TMEM132D: variants seen among roughly 807,000 people sequenced by gnomAD.
The protein encoded by TMEM132D is mature OL transmembrane protein.
TMEM132D carries 21 observed loss-of-function variants against 62.3 expected under a neutral mutation model. The ratio of observed to expected loss-of-function variants is 0.34; its 90% confidence interval spans 0.24 to 0.49. The LOEUF (loss-of-function observed/expected upper bound fraction) is 0.49, where lower values mean the gene tolerates loss of function less well. Among genes scored for constraint, TMEM132D ranks in the 20% least tolerant of loss-of-function variants. The probability of loss-of-function intolerance (pLI) is 0.99; values close to 1 mark genes in which losing one functional copy is unlikely to be tolerated. For missense variants in TMEM132D, 1,346 were observed against 1,402.8 expected, an observed-to-expected ratio of 0.96 and a Z score of 0.65; for synonymous variants, 621 against 575.6, an observed-to-expected ratio of 1.08 and a Z score of -1.13.
intron 3 of TMEM132D, among the ~76,000 whole-genome samples, chr12:129,428,162 A>G (rs1398644195): frequency 6.6e-6 from 1 of 152,226 alleles, no homozygotes; most frequent in East Asian, 1.9e-4. Flanking sequence ...CCTAGAAAAT[A>G]AGAAATCTGT....
In TMEM132D at chr12:129,867,134, C is replaced by T. The variant is rs1874084900; in HGVS notation, c.79+36127G>A. On this transcript the variant is annotated intron_variant, in intron 1 of 8. Coordinates refer to ENST00000422113, the MANE Select transcript of TMEM132D (RefSeq NM_133448.3). This position sits in a 1 kb window ranked among gnomAD's most constrained non-coding sequence, Gnocchi z 4.5. ...AATTAGCTGGGCACGGTGGTATGTG[C>T]CTGTAGTCCTAGCTACATGGGAGGC... Among the ~76,000 whole-genome samples the T allele has an allele frequency of 6.6e-6, 1 of 152,030 alleles. No individual in the cohort carries two copies. The highest frequency in any genetic ancestry group is 1.5e-5 in the Non-Finnish European group (1 of 68,012).
At chr12:129,221,175 T>G (rs1879336268) in intron 4 of TMEM132D, among the ~76,000 whole-genome samples, 1 of 152,192 alleles carries the variant, frequency 6.6e-6, no homozygotes, top group African/African-American at 2.4e-5. Flanking sequence ...CATGTTCAAT[T>G]GCCTATTCTT....
chr12:129,387,561 C>T (rs78305067), intron 3 of TMEM132D, among the ~76,000 whole-genome samples: 17,155 of 152,056 alleles, frequency 0.11, 1,311 homozygotes, highest in African/African-American at 0.22. Context: ...CTAACACCAA[C>T]GCCAACACTA....
At chr12:129,101,246 A>C (rs745721214) in intron 5 of TMEM132D, among the ~76,000 whole-genome samples, 1 of 152,204 alleles carries the variant, frequency 6.6e-6, no homozygotes, top group Non-Finnish European at 1.5e-5. Context: ...AGCCTCCAAC[A>C]AACAGCCCCG....
At chr12:129,563,364 C>A (rs1388905) in intron 2 of TMEM132D, among the ~76,000 whole-genome samples, 149 of 152,202 alleles carry the variant, frequency 9.8e-4, no homozygotes, top group Non-Finnish European at 1.6e-3. Flanking sequence ...ATCCTCAGTG[C>A]TCTTAGTTTT....
At chr12:129,458,529 T>C (rs907132255) in intron 3 of TMEM132D, among the ~76,000 whole-genome samples, 14 of 152,076 alleles carry the variant, frequency 9.2e-5, no homozygotes, top group African/African-American at 3.4e-4. Flanking sequence ...ATCAGATGTG[T>C]CTGGTCTGAT....
chr12:129,835,351 C>T (rs1322956119), intron 1 of TMEM132D, among the ~76,000 whole-genome samples: 2 of 152,072 alleles, frequency 1.3e-5, no homozygotes, highest in Non-Finnish European at 2.9e-5. Flanking sequence ...AGTGCAGTGG[C>T]GTGATCTTGG....
At chr12:129,115,414 G>A (rs1007409042) in intron 5 of TMEM132D, among the ~76,000 whole-genome samples, 26 of 152,130 alleles carry the variant, frequency 1.7e-4, no homozygotes, top group African/African-American at 5.1e-4. Context: ...GATGGAGGTC[G>A]GGTCTAGGGG....
At chr12:129,105,658 A>G (rs145182981) in intron 5 of TMEM132D, among the ~76,000 whole-genome samples, 3,516 of 151,062 alleles carry the variant, frequency 0.023, 353 homozygotes, top group African/African-American at 0.081. Flanking sequence ...CAAAAAACAC[A>G]TGAAAAAATT....
At chr12:129,762,873 G>A (rs781126236) in intron 1 of TMEM132D, among the ~76,000 whole-genome samples, 3 of 152,164 alleles carry the variant, frequency 2.0e-5, no homozygotes, top group Non-Finnish European at 4.4e-5. Flanking sequence ...TAGGGTGGGT[G>A]GAAAGCAGCT....
intron 1 of TMEM132D, among the ~76,000 whole-genome samples, chr12:129,885,940 C>T: frequency 6.6e-6 from 1 of 152,116 alleles, no homozygotes; most frequent in East Asian, 1.9e-4. Context: ...GAATTTTAAC[C>T]TAATGTAATA....
At chr12:129,571,930 T>G (rs1877524905) in intron 2 of TMEM132D, among the ~76,000 whole-genome samples, 1 of 152,142 alleles carries the variant, frequency 6.6e-6, no homozygotes, top group Non-Finnish European at 1.5e-5. Flanking sequence ...GGTAAATGCT[T>G]GCTAGTGGGA....
Position 129,525,226 on chromosome 12 carries a change from GTTTTTTTTTT to G in TMEM132D, c.1115+5823_1115+5832del, listed in dbSNP as rs765569025. Among the ~76,000 whole-genome samples the G allele has an allele frequency of 4.3e-3, 288 of 67,396 alleles. 4 individuals are homozygous for G. Among genetic ancestry groups the G allele is most frequent in the African/African-American group, 0.013 (256 of 19,666 alleles). 44.2% of individuals were successfully genotyped at this position (67,396 alleles called of 152,430 possible). On this transcript the variant is annotated intron_variant, in intron 3 of 8. Transcript: ENST00000422113. ...GGGTATGAGCCACGGTGCCCAGCCG[GTTTTTTTTTT>G]TTTTTTTTTTTTTTTTTTTGCTAAT...
At chr12:129,149,279 C>T (rs567557020) in intron 5 of TMEM132D, among the ~76,000 whole-genome samples, 33 of 152,080 alleles carry the variant, frequency 2.2e-4, no homozygotes, top group Admixed American at 5.2e-4. Context: ...GTAATGCATT[C>T]GGGGCTTAAA....
At chr12:129,835,127 A>T (rs1245717352) in intron 1 of TMEM132D, among the ~76,000 whole-genome samples, 1 of 152,160 alleles carries the variant, frequency 6.6e-6, no homozygotes, top group Non-Finnish European at 1.5e-5. Context: ...AGGCATTAGG[A>T]TCGGCACCCA....
At chr12:129,118,095 A>C (rs1331490135) in intron 5 of TMEM132D, among the ~76,000 whole-genome samples, 1 of 152,176 alleles carries the variant, frequency 6.6e-6, no homozygotes, top group African/African-American at 2.4e-5. Context: ...TCTTCTTTTA[A>C]AACATAATGG....
intron 3 of TMEM132D, among the ~76,000 whole-genome samples, chr12:129,408,092 C>G (rs553076590): frequency 1.3e-3 from 203 of 152,186 alleles, no homozygotes; most frequent in Admixed American, 1.8e-3. Context: ...TGATCTCCCC[C>G]CTCTGGTTTA....
chr12:129,903,239 C>G lies in TMEM132D; in HGVS notation c.79+22G>C, dbSNP rs1875429268. 6.4e-7 allele frequency: 1 copy of G among 1,551,404 alleles called. No homozygotes were observed. The highest frequency in any genetic ancestry group is 1.4e-5 in the African/African-American group (1 of 73,062). On this transcript the variant is annotated intron_variant, in intron 1 of 8. Transcript: ENST00000422113. This position sits in a 1 kb window ranked among gnomAD's most constrained non-coding sequence, Gnocchi z 6.2. Reference sequence around the variant, plus strand: ...TCCAGGCGAAGTTAGTCCCCGGGCCCTGGCGGCCGCGGCGTCCTCACCTTT... The same window carrying G: ...TCCAGGCGAAGTTAGTCCCCGGGCCGTGGCGGCCGCGGCGTCCTCACCTTT...
intron 5 of TMEM132D, among the ~76,000 whole-genome samples, chr12:129,090,672 A>G (rs370004751): frequency 0.014 from 2,065 of 152,038 alleles, 57 homozygotes; most frequent in African/African-American, 0.047. Context: ...TGTCTGAAAA[A>G]AAAAGAAAAG....
Sources: gnomAD v4.1 joint callset for allele counts (sites outside exome capture counted in the v4.1 genomes callset) on GRCh38, gnomAD v4.1.1 for gene constraint, Gnocchi (gnomAD v3.1) non-coding constraint, MANE v1.5 for transcripts, NCBI Gene and HGNC (gene_info 2026-07-23, HGNC 2026-07-21) for gene names.